MECOM: variants seen among roughly 807,000 people sequenced by gnomAD.
The protein encoded by MECOM is MDS1 and EVI1 complex locus, also known as histone-lysine N-methyltransferase MECOM.
Under a neutral mutation model 116.3 loss-of-function variants are expected in MECOM, and 13 were observed. The ratio of observed to expected loss-of-function variants is 0.11; its 90% CI spans 0.07 to 0.18. MECOM has a LOEUF of 0.18. Among genes scored for constraint, MECOM ranks in the 10% least tolerant of loss-of-function variants. The probability of loss-of-function intolerance (pLI) is 1.00; values close to 1 mark genes in which losing one functional copy is unlikely to be tolerated. For synonymous variants in MECOM, 528 were observed against 535.2 expected (o/e 0.99, Z 0.19); for missense variants, 1,299 against 1,509.0 (o/e 0.86, Z 2.31).
intron 2 of MECOM, among the ~76,000 whole-genome samples, chr3:169,376,455 T>C (rs958165441): frequency 2.6e-5 from 4 of 152,134 alleles, no homozygotes; most frequent in African/African-American, 9.7e-5. Flanking sequence ...AAAAACTCCT[T>C]AAGGTGAAAA....
intron 1 of MECOM, among the ~76,000 whole-genome samples, chr3:169,455,534 T>G (rs1268606562): frequency 8.5e-5 from 13 of 152,168 alleles, no homozygotes; most frequent in Non-Finnish European, 1.5e-5. Context: ...ATCACCTCCT[T>G]TGGATTATCC....
At chr3:169,142,560 T>G (rs1290692666) in intron 3 of MECOM, among the ~76,000 whole-genome samples, 2 of 152,000 alleles carry the variant, frequency 1.3e-5, no homozygotes, top group Non-Finnish European at 2.9e-5. Flanking sequence ...CCTCTTGTTT[T>G]CTTATAGCAA....
rs11425785 is a variant in MECOM at position 169,288,228 on chromosome 3, T to TAA, written c.375+92957_375+92958dup. ...GAAAGAGGAAAGAGGCAAGTTTTAGTAAAAAAAAAAAAAATCTTGATAATT... is the reference window on the plus strand; with the variant it reads ...GAAAGAGGAAAGAGGCAAGTTTTAGTAAAAAAAAAAAAAAAATCTTGATAATT... On this transcript the variant is annotated intron_variant, in intron 2 of 16. Transcript: ENST00000651503. Among the ~76,000 whole-genome samples, 473 of 140,140 alleles carry TAA rather than the reference T, an allele frequency of 3.4e-3. 1 individual carries two copies. The highest frequency in any genetic ancestry group is 0.011 in the African/African-American group (434 of 39,658). The allele number at this position is 140,140 out of a possible 152,430, so 91.9% of individuals were successfully genotyped here. A position where few individuals can be genotyped will look rare whatever the true frequency, so the allele number is the denominator to read the frequency against.
intron 2 of MECOM, among the ~76,000 whole-genome samples, chr3:169,313,463 G>C (rs2149736031): frequency 6.6e-6 from 1 of 152,286 alleles, no homozygotes; most frequent in Non-Finnish European, 1.5e-5. Context: ...TACAGAGAGA[G>C]GGCAGAATAG....
intron 2 of MECOM, among the ~76,000 whole-genome samples, chr3:169,298,973 C>A (rs968303264): frequency 6.6e-6 from 1 of 152,102 alleles, no homozygotes; most frequent in Non-Finnish European, 1.5e-5. Context: ...CAGATACCAC[C>A]ATGGATATAA....
intron 2 of MECOM, among the ~76,000 whole-genome samples, chr3:169,312,365 ATTTTTTT>A (rs367932449): frequency 5.1e-4 from 61 of 118,464 alleles, no homozygotes; most frequent in African/African-American, 1.6e-3. Flanking sequence ...AATGACTGCA[ATTTTTTT>A]TTTTTTTTTT....
At chr3:169,226,917 AT>A (rs924179651) in intron 2 of MECOM, among the ~76,000 whole-genome samples, 2 of 152,150 alleles carry the variant, frequency 1.3e-5, no homozygotes, top group African/African-American at 4.8e-5. Context: ...AAATCATTTG[AT>A]TTGAGAGTAG....
rs1219051675 is a variant in MECOM at position 169,151,624 on chromosome 3, C to T, written c.376-7792G>A. 3.3e-5 allele frequency among the ~76,000 whole-genome samples: 5 copies of T among 152,184 alleles called. No individual in the cohort carries two copies. In the East Asian group the frequency reaches 9.6e-4, roughly 29 times the overall value. On this transcript the variant is annotated intron_variant, in intron 2 of 16. Coordinates refer to ENST00000651503, the MANE Select transcript of MECOM (RefSeq NM_004991.4). Reference sequence around the variant, plus strand: ...TTCATGTCAAGAAGCATGAAATAATCTGAGAAATTGACATTTGGCTGAACA... The same window carrying T: ...TTCATGTCAAGAAGCATGAAATAATTTGAGAAATTGACATTTGGCTGAACA...
chr3:169,469,186 C>G (rs1748794024), intron 1 of MECOM, among the ~76,000 whole-genome samples: 1 of 152,110 alleles, frequency 6.6e-6, no homozygotes, highest in Non-Finnish European at 1.5e-5. Context: ...GAGATGGTGA[C>G]TGAGCTGATT....
At chr3:169,617,002 C>T (rs1416717307) in intron 1 of MECOM, among the ~76,000 whole-genome samples, 1 of 152,174 alleles carries the variant, frequency 6.6e-6, no homozygotes, top group Non-Finnish European at 1.5e-5. Context: ...CCTTGTAAGT[C>T]TTGAAAGTTT....
intron 1 of MECOM, among the ~76,000 whole-genome samples, chr3:169,525,723 T>C (rs1757883077): frequency 6.6e-6 from 1 of 152,166 alleles, no homozygotes; most frequent in Admixed American, 6.5e-5. Context: ...AACAGGTGGC[T>C]CTTTGTAAAA....
Position 169,484,578 on chromosome 3 carries a change from C to T in MECOM, c.38-103054G>A, listed in dbSNP as rs1751867092. ...GCAATTAGCTATTAACTTATATAAA[C>T]ACCTCAAAGAAATTTTAAAGAAAAT... On this transcript the variant is annotated intron_variant, in intron 1 of 16. Transcript: ENST00000651503. Among the ~76,000 whole-genome samples, 4 of 152,096 alleles carry T rather than the reference C, an allele frequency of 2.6e-5. No homozygotes were observed. The South Asian group carries it at 6.2e-4, about 24-fold the overall frequency.
At chr3:169,404,027 G>A (rs1736275565) in intron 1 of MECOM, among the ~76,000 whole-genome samples, 7 of 152,064 alleles carry the variant, frequency 4.6e-5, no homozygotes, top group Admixed American at 4.6e-4. Flanking sequence ...TTTTGCTTGG[G>A]AACTGAGAGA....
chr3:169,263,520 G>GCACACACA (rs3077288), intron 2 of MECOM, among the ~76,000 whole-genome samples: 1 of 146,408 alleles, frequency 6.8e-6, no homozygotes, highest in African/African-American at 2.5e-5. Context: ...CAGAGCACTT[G>GCACACACA]CACACACACA....
intron 2 of MECOM, among the ~76,000 whole-genome samples, chr3:169,189,914 G>C (rs1219652078): frequency 6.6e-6 from 1 of 151,940 alleles, no homozygotes; most frequent in Non-Finnish European, 1.5e-5. Flanking sequence ...AATTAAATTG[G>C]TTAAACATGG....
At chr3:169,252,847 T>C (rs747206914) in intron 2 of MECOM, among the ~76,000 whole-genome samples, 2 of 152,220 alleles carry the variant, frequency 1.3e-5, no homozygotes, top group Non-Finnish European at 2.9e-5. Context: ...TTTGGGTTTG[T>C]TCAATATCTT....
intron 2 of MECOM, among the ~76,000 whole-genome samples, chr3:169,205,249 ACT>A (rs1683615019): frequency 6.6e-6 from 1 of 151,766 alleles, no homozygotes; most frequent in South Asian, 2.1e-4. Context: ...ACGCTGACAG[ACT>A]CTTAACTATC....
intron 1 of MECOM, among the ~76,000 whole-genome samples, chr3:169,400,365 G>A (rs538569654): frequency 6.6e-6 from 1 of 152,286 alleles, no homozygotes; most frequent in African/African-American, 2.4e-5. Flanking sequence ...TCATCATCTG[G>A]CATGCAACAG....
chr3:169,408,762 C>T lies in MECOM; in HGVS notation c.38-27238G>A, dbSNP rs1315404630. ...TGGTTGGCTGTATGCTAACCACTGA[C>T]CTCAAGCAAGTAACGTAAGCAGGCT... On this transcript the variant is annotated intron_variant, in intron 1 of 16. Transcript: ENST00000651503. Among the ~76,000 whole-genome samples the T allele has an allele frequency of 2.6e-5, 4 of 152,066 alleles. No individual in the cohort carries two copies. In the East Asian group the frequency reaches 7.7e-4, roughly 29 times the overall value.
Sources: gnomAD v4.1 joint callset for allele counts (sites outside exome capture counted in the v4.1 genomes callset) on GRCh38, gnomAD v4.1.1 for gene constraint, MANE v1.5 for transcripts, NCBI Gene and HGNC (gene_info 2026-07-23, HGNC 2026-07-21) for gene names.